Variants in GPR158 observed in about 807,000 individuals in gnomAD.
GPR158 encodes the protein metabotropic glycine receptor.
A neutral mutation model predicts 78.2 loss-of-function variants in GPR158; 30 were observed. That is an observed-to-expected ratio of 0.38 (90% CI 0.29 to 0.52). GPR158 has a LOEUF of 0.52. Ranked by LOEUF, GPR158 falls within the 20% of genes least tolerant of loss-of-function variation. GPR158 has a pLI of 0.83. For missense variants in GPR158, 1,463 were observed against 1,523.5 expected (o/e 0.96, Z 0.66); for synonymous variants, 581 against 591.1 (o/e 0.98, Z 0.25).
At chr10:25,385,160 T>G (rs1461941499) in intron 2 of GPR158, among the ~76,000 whole-genome samples, 1 of 152,074 alleles carries the variant, frequency 6.6e-6, no homozygotes, top group Non-Finnish European at 1.5e-5. Context: ...CCGTTCCACT[T>G]TCTATTTCTA....
At chr10:25,281,524 G>A (rs112729909) in intron 2 of GPR158, among the ~76,000 whole-genome samples, 1,941 of 152,108 alleles carry the variant, frequency 0.013, 29 homozygotes, top group South Asian at 0.057. Context: ...GCTGCAGTGA[G>A]CCAAGATTGC....
At chr10:25,193,328 C>T (rs7899287) in intron 1 of GPR158, among the ~76,000 whole-genome samples, 96 of 152,174 alleles carry the variant, frequency 6.3e-4, no homozygotes, top group African/African-American at 2.2e-3. Context: ...ATAGGATGGT[C>T]AGGAAAGACC....
chr10:25,279,382 C>T (rs1831920), intron 2 of GPR158, among the ~76,000 whole-genome samples: 26,711 of 151,934 alleles, frequency 0.18, 3,849 homozygotes, highest in African/African-American at 0.38. Context: ...AATTAAGGAA[C>T]CAGAGAGACC....
intron 5 of GPR158, among the ~76,000 whole-genome samples, chr10:25,515,784 G>T (rs1237823886): frequency 2.7e-5 from 4 of 147,006 alleles, no homozygotes; most frequent in Non-Finnish European, 6.0e-5. Flanking sequence ...GGACATTTGG[G>T]TTGGTTCCAA....
chr10:25,204,513 A>G (rs913064696), intron 1 of GPR158, among the ~76,000 whole-genome samples: 1 of 152,108 alleles, frequency 6.6e-6, no homozygotes, highest in African/African-American at 2.4e-5. Flanking sequence ...TGAGATAATT[A>G]TGTGGTTTCT....
chr10:25,404,680 G>A (rs1588847292), intron 3 of GPR158, among the ~76,000 whole-genome samples: 1 of 152,124 alleles, frequency 6.6e-6, no homozygotes, highest in South Asian at 2.1e-4. Context: ...TTTTAATATA[G>A]GTGGGAAAAT....
intron 3 of GPR158, among the ~76,000 whole-genome samples, chr10:25,406,356 T>TC (rs1834515561): frequency 6.6e-6 from 1 of 152,160 alleles, no homozygotes; most frequent in East Asian, 1.9e-4. Context: ...GCAGGATTGA[T>TC]CCCCCATTTG....
At chr10:25,181,590 ACCAGAGGCAGGAGTTG>A (rs1181129293) in intron 1 of GPR158, among the ~76,000 whole-genome samples, 6 of 152,346 alleles carry the variant, frequency 3.9e-5, no homozygotes, top group Admixed American at 2.6e-4. Flanking sequence ...TTAGGGTGTT[ACCAGAGGCAGGAGTTG>A]CCTCTTTAAT....
intron 2 of GPR158, among the ~76,000 whole-genome samples, chr10:25,236,060 A>G (rs1853520453): frequency 6.6e-6 from 1 of 152,044 alleles, no homozygotes; most frequent in African/African-American, 2.4e-5. Context: ...TGCAGTTATT[A>G]TTTATAATTG....
chr10:25,191,776 T>G (rs916888443), intron 1 of GPR158, among the ~76,000 whole-genome samples: 1 of 152,094 alleles, frequency 6.6e-6, no homozygotes, highest in African/African-American at 2.4e-5. Flanking sequence ...GTCTGGAAGG[T>G]GCTTTATGAA....
At chr10:25,312,137 A>C (rs752856312) in intron 2 of GPR158, among the ~76,000 whole-genome samples, 1 of 152,004 alleles carries the variant, frequency 6.6e-6, no homozygotes, top group Non-Finnish European at 1.5e-5. Context: ...CAAACTTGAC[A>C]TGTGGAAATT....
intron 2 of GPR158, among the ~76,000 whole-genome samples, chr10:25,311,932 T>C (rs7099677): frequency 0.2 from 30,751 of 151,920 alleles, 5,252 homozygotes; most frequent in African/African-American, 0.47. Context: ...GTACATTTTG[T>C]ATAAATGTTT....
chr10:25,186,613 GA>G (rs1201417809), intron 1 of GPR158, among the ~76,000 whole-genome samples: 2 of 152,106 alleles, frequency 1.3e-5, no homozygotes, highest in Non-Finnish European at 2.9e-5. Flanking sequence ...AAATAAACTA[GA>G]AAATCTAGAA....
chr10:25,594,727 CTT>C (rs928885299), intron 9 of GPR158, among the ~76,000 whole-genome samples: 3 of 152,222 alleles, frequency 2.0e-5, no homozygotes, highest in East Asian at 1.9e-4. Context: ...TAAGAATCCT[CTT>C]GTTTGGATTC....
chr10:25,484,815 C>G (rs1835710784), intron 5 of GPR158, among the ~76,000 whole-genome samples: 1 of 152,018 alleles, frequency 6.6e-6, no homozygotes, highest in Admixed American at 6.6e-5. Flanking sequence ...TCAAATTTTC[C>G]CATGCAGGTC....
intron 4 of GPR158, among the ~76,000 whole-genome samples, chr10:25,417,425 T>C (rs1834678376): frequency 6.6e-6 from 1 of 152,180 alleles, no homozygotes; most frequent in Non-Finnish European, 1.5e-5. Context: ...CACACATGGT[T>C]CTCTTTCCCA....
chr10:25,328,754 C>A (rs1413634911), intron 2 of GPR158, among the ~76,000 whole-genome samples: 1 of 151,566 alleles, frequency 6.6e-6, no homozygotes, highest in Non-Finnish European at 1.5e-5. Flanking sequence ...TGATGAAACC[C>A]CGTCTGTACT....
intron 4 of GPR158, among the ~76,000 whole-genome samples, chr10:25,428,699 T>A (rs953386132): frequency 6.6e-6 from 1 of 152,076 alleles, no homozygotes; most frequent in African/African-American, 2.4e-5. Flanking sequence ...GGAGAATGTA[T>A]CACTGCTTTC....
At chr10:25,193,470 T>G (rs1852801098) in intron 1 of GPR158, among the ~76,000 whole-genome samples, 1 of 152,184 alleles carries the variant, frequency 6.6e-6, no homozygotes, top group Non-Finnish European at 1.5e-5. Context: ...TCTGTTCAAG[T>G]AATCTAAGAA....
Sources: gnomAD v4.1 joint callset for allele counts (sites outside exome capture counted in the v4.1 genomes callset) on GRCh38, gnomAD v4.1.1 for gene constraint, MANE v1.5 for transcripts, NCBI Gene and HGNC (gene_info 2026-07-23, HGNC 2026-07-21) for gene names.